Variants in WASHC3 observed in about 807,000 individuals in gnomAD.
WASHC3 encodes the protein WASH complex subunit 3.
Under a neutral mutation model 26.1 loss-of-function variants are expected in WASHC3, and 24 were observed. The ratio of observed to expected loss-of-function variants is 0.92; its 90% CI spans 0.66 to 1.29. The LOEUF is 1.29. Ranked by LOEUF, WASHC3 falls within the 50% of genes most tolerant of loss-of-function variation. The pLI, the probability that WASHC3 is intolerant of heterozygous loss-of-function variation, is 0.00. For synonymous variants in WASHC3, 77 were observed against 75.7 expected, an observed-to-expected ratio of 1.02 and a Z score of -0.09; for missense variants, 214 against 229.6, an observed-to-expected ratio of 0.93 and a Z score of 0.44.
intron 4 of WASHC3, among the ~76,000 whole-genome samples, chr12:102,041,562 T>G (rs1877938637): frequency 6.6e-6 from 1 of 152,164 alleles, no homozygotes; most frequent in South Asian, 2.1e-4. Flanking sequence ...GAGAGAGTGA[T>G]AAACAGATGA....
intron 6 of WASHC3, among the ~76,000 whole-genome samples, chr12:102,014,075 CTTTTTTTTTTTT>C (rs1189181874): frequency 3.2e-4 from 28 of 88,728 alleles, no homozygotes; most frequent in African/African-American, 1.0e-3. Flanking sequence ...ACTGCTACAT[CTTTTTTTTTTTT>C]TTTTTTTTTT....
At chr12:102,014,242 T>C (rs1199277524) in intron 6 of WASHC3, among the ~76,000 whole-genome samples, 4 of 151,864 alleles carry the variant, frequency 2.6e-5, no homozygotes, top group Non-Finnish European at 5.9e-5. Flanking sequence ...CCAGCTAATT[T>C]TTGTATTTTC....
intron 5 of WASHC3, among the ~76,000 whole-genome samples, chr12:102,038,742 G>GA (rs1435055701): frequency 6.6e-6 from 1 of 151,776 alleles, no homozygotes; most frequent in African/African-American, 2.4e-5. Flanking sequence ...CTAGGCTTCA[G>GA]AAAAAAAGAA....
At chr12:102,032,194 C>T (rs770408911) in intron 5 of WASHC3, among the ~76,000 whole-genome samples, 2 of 152,122 alleles carry the variant, frequency 1.3e-5, no homozygotes, top group Non-Finnish European at 2.9e-5. Context: ...GCAATGGATG[C>T]ATCAGAACCA....
chr12:102,038,817 A>G (rs1247091150), intron 5 of WASHC3, among the ~76,000 whole-genome samples: 1 of 151,976 alleles, frequency 6.6e-6, no homozygotes, highest in Non-Finnish European at 1.5e-5. Flanking sequence ...GAGCCAATCT[A>G]CTCTTTCTGG....
intron 2 of WASHC3, among the ~76,000 whole-genome samples, chr12:102,060,248 C>T (rs1202580312): frequency 6.6e-6 from 1 of 152,212 alleles, no homozygotes; most frequent in Non-Finnish European, 1.5e-5. Context: ...TCCCCATCCT[C>T]TTTTGGCTTT....
At chr12:102,031,778 A>G (rs1171610311) in intron 5 of WASHC3, among the ~76,000 whole-genome samples, 1 of 152,158 alleles carries the variant, frequency 6.6e-6, no homozygotes, top group African/African-American at 2.4e-5. Flanking sequence ...ATACATATTA[A>G]TATTATACCT....
intron 2 of WASHC3, among the ~76,000 whole-genome samples, chr12:102,046,957 G>A (rs1421517430): frequency 1.3e-5 from 2 of 152,182 alleles, no homozygotes; most frequent in African/African-American, 4.8e-5. Flanking sequence ...TGGAAGATGA[G>A]TAATTCATTT....
intron 2 of WASHC3, among the ~76,000 whole-genome samples, chr12:102,049,534 T>A (rs1878304294): frequency 6.6e-6 from 1 of 152,188 alleles, no homozygotes; most frequent in Admixed American, 6.5e-5. Context: ...ACCCATGTAT[T>A]TCCAAGGCAG....
At chr12:102,048,188 C>T (rs1878240834) in intron 2 of WASHC3, 1 of 152,042 alleles carries the variant, frequency 6.6e-6, no homozygotes, top group Non-Finnish European at 1.5e-5. Context: ...TTCTGAACTA[C>T]AGTACATGAA....
intron 2 of WASHC3, among the ~76,000 whole-genome samples, chr12:102,059,344 A>C (rs530593027): frequency 1.3e-5 from 2 of 152,340 alleles, no homozygotes; most frequent in South Asian, 4.1e-4. Flanking sequence ...TAAAGAAATA[A>C]GATTTTTGAA....
chr12:102,042,506 T>C (rs898333714), intron 4 of WASHC3, among the ~76,000 whole-genome samples: 7 of 152,188 alleles, frequency 4.6e-5, no homozygotes, highest in Admixed American at 2.6e-4. Context: ...CCAGACTGTC[T>C]GGGTTAAAAT....
At chr12:102,017,046 AG>A (rs1876735866) in intron 6 of WASHC3, among the ~76,000 whole-genome samples, 1 of 152,236 alleles carries the variant, frequency 6.6e-6, no homozygotes, top group South Asian at 2.1e-4. Flanking sequence ...GAGCAACTCC[AG>A]TCCTGAAAGC....
intron 5 of WASHC3, among the ~76,000 whole-genome samples, chr12:102,039,526 A>T (rs1412125835): frequency 6.6e-6 from 1 of 152,156 alleles, no homozygotes; most frequent in Non-Finnish European, 1.5e-5. Context: ...TGTGCTAATA[A>T]TATGGGGATT....
At chr12:102,024,975 A>G (rs1877113445) in intron 6 of WASHC3, among the ~76,000 whole-genome samples, 2 of 152,192 alleles carry the variant, frequency 1.3e-5, no homozygotes, top group African/African-American at 4.8e-5. Flanking sequence ...ACTGTTTGCT[A>G]CTTGGATGTA....
intron 5 of WASHC3, among the ~76,000 whole-genome samples, chr12:102,039,127 GGTTTTTTTTTTTTTT>G (rs1877818023): frequency 1.2e-5 from 1 of 84,256 alleles, no homozygotes; most frequent in East Asian, 3.6e-4. Context: ...TATGGAGTTA[GGTTTTTTTTTTTTTT>G]TTTTTTTTTA....
chr12:102,053,646 C>T (rs1004591450), intron 2 of WASHC3, among the ~76,000 whole-genome samples: 2 of 152,046 alleles, frequency 1.3e-5, no homozygotes, highest in Admixed American at 6.6e-5. Flanking sequence ...TAGGGAAACT[C>T]AGTGGACTTC....
In WASHC3 at chr12:102,057,792, T is replaced by A. The variant is rs78451592; in HGVS notation, c.150+3456A>T. ...AAATAAATGGAAAGATAACGTGTGTTCATGGATTGGAAACATGAATGTTGT... is the reference window on the plus strand; with the variant it reads ...AAATAAATGGAAAGATAACGTGTGTACATGGATTGGAAACATGAATGTTGT... On this transcript the variant is annotated intron_variant, in intron 2 of 6. Coordinates refer to ENST00000240079, the MANE Select transcript of WASHC3 (RefSeq NM_016053.4). Among the ~76,000 whole-genome samples the A allele has an allele frequency of 3.5e-4, 54 of 152,220 alleles. No homozygotes were observed. In the East Asian group the frequency reaches 9.7e-3, roughly 27 times the overall value.
At chr12:102,043,473 T>C (rs1195162255) in intron 4 of WASHC3, 1 of 152,254 alleles carries the variant, frequency 6.6e-6, no homozygotes, top group African/African-American at 2.4e-5. Flanking sequence ...TTTACCATGT[T>C]GCCCAGGCTG....
Sources: allele counts gnomAD v4.1 joint callset (sites outside exome capture counted in the v4.1 genomes callset), GRCh38; gene constraint gnomAD v4.1.1; transcripts MANE v1.5; gene names NCBI Gene and HGNC (gene_info 2026-07-23, HGNC 2026-07-21).